The following LRRC4C variants were observed in gnomAD, a reference collection of about 807,000 sequenced individuals.
LRRC4C encodes the protein leucine-rich repeat-containing protein 4C.
In LRRC4C, 5 loss-of-function variants were observed where a neutral mutation model predicts 33.6. The ratio of observed to expected loss-of-function variants is 0.15; its 90% CI spans 0.08 to 0.31. LRRC4C has a LOEUF of 0.31. LRRC4C is among the 10% of genes least tolerant of loss of function. LRRC4C has a pLI of 1.00. For missense variants in LRRC4C, 560 were observed against 796.7 expected (o/e 0.70, Z 3.58); for synonymous variants, 329 against 302.0 (o/e 1.09, Z -0.93).
chr11:41,405,680 C>T (rs1954205914), intron 1 of LRRC4C, among the ~76,000 whole-genome samples: 2 of 152,078 alleles, frequency 1.3e-5, no homozygotes, highest in South Asian at 2.1e-4. Context: ...TTTAAATCAT[C>T]ATCAAGGACA....
chr11:40,169,507 C>T (rs930731396), intron 5 of LRRC4C, among the ~76,000 whole-genome samples: 3 of 151,934 alleles, frequency 2.0e-5, no homozygotes, highest in African/African-American at 4.8e-5. Flanking sequence ...AAGTTTTCAC[C>T]ATAACACATT....
intron 2 of LRRC4C, among the ~76,000 whole-genome samples, chr11:40,880,558 A>AAC (rs1955119400): frequency 6.6e-6 from 1 of 150,880 alleles, no homozygotes; most frequent in South Asian, 2.1e-4. Context: ...AAAAAAAAAA[A>AAC]CTACACAGAA....
intron 1 of LRRC4C, among the ~76,000 whole-genome samples, chr11:41,191,393 T>C (rs974613691): frequency 2.0e-5 from 3 of 152,142 alleles, no homozygotes; most frequent in Admixed American, 6.5e-5. Context: ...ATTTGCCTGA[T>C]TAAAGTCACT....
chr11:41,312,737 A>G (rs972257225), intron 1 of LRRC4C, among the ~76,000 whole-genome samples: 2 of 152,210 alleles, frequency 1.3e-5, no homozygotes, highest in African/African-American at 4.8e-5. Context: ...ATTGGTCACC[A>G]TGGGCCTCAG....
chr11:40,206,923 C>A (rs1364495105), intron 5 of LRRC4C, among the ~76,000 whole-genome samples: 1 of 151,880 alleles, frequency 6.6e-6, no homozygotes, highest in Non-Finnish European at 1.5e-5. Flanking sequence ...GAGGCATAAA[C>A]CTGGGGGAAG....
intron 5 of LRRC4C, among the ~76,000 whole-genome samples, chr11:40,177,009 C>T (rs1240889634): frequency 7.6e-6 from 1 of 131,998 alleles, no homozygotes; most frequent in Non-Finnish European, 1.5e-5. Flanking sequence ...TCTCTGCAAG[C>T]TCCGCCTCCC....
At chr11:40,834,911 G>GACAGACAGACACACAGACACAC (rs748483585) in intron 2 of LRRC4C, among the ~76,000 whole-genome samples, 1 of 84,826 alleles carries the variant, frequency 1.2e-5, no homozygotes, top group Non-Finnish European at 2.6e-5. Context: ...CAGACAGACA[G>GACAGACAGACACACAGACACAC]ACACACACAC....
chr11:40,790,146 C>A (rs1292862110), intron 2 of LRRC4C, among the ~76,000 whole-genome samples: 2 of 152,076 alleles, frequency 1.3e-5, no homozygotes, highest in Non-Finnish European at 2.9e-5. Context: ...GATTTTTACC[C>A]ACAGAAAATA....
At chr11:41,062,318 A>G (rs1054119127) in intron 1 of LRRC4C, among the ~76,000 whole-genome samples, 1 of 152,140 alleles carries the variant, frequency 6.6e-6, no homozygotes, top group Non-Finnish European at 1.5e-5. Context: ...TCACATATAA[A>G]TGGGAGCTAA....
chr11:40,950,285 G>A (rs1457384705), intron 1 of LRRC4C, among the ~76,000 whole-genome samples: 3 of 151,832 alleles, frequency 2.0e-5, no homozygotes, highest in Non-Finnish European at 4.4e-5. Context: ...CACCTACCAT[G>A]TTCTAGGAAA....
chr11:41,015,327 T>G (rs552974514), intron 1 of LRRC4C, among the ~76,000 whole-genome samples: 214 of 152,314 alleles, frequency 1.4e-3, no homozygotes, highest in Non-Finnish European at 2.3e-3. Flanking sequence ...TTTAAAATTT[T>G]GTTAATGTTT....
intron 3 of LRRC4C, among the ~76,000 whole-genome samples, chr11:40,550,509 A>C (rs562410284): frequency 6.6e-6 from 1 of 152,356 alleles, no homozygotes; most frequent in East Asian, 1.9e-4. Context: ...TAATGGCCTG[A>C]CAGCCTCCAG....
chr11:41,192,730 A>T (rs1946013824), intron 1 of LRRC4C, among the ~76,000 whole-genome samples: 1 of 152,118 alleles, frequency 6.6e-6, no homozygotes, highest in Non-Finnish European at 1.5e-5. Context: ...GAAAAAGCAA[A>T]ATCATTACAG....
intron 3 of LRRC4C, among the ~76,000 whole-genome samples, chr11:40,336,648 G>A (rs1946616622): frequency 6.6e-6 from 1 of 152,108 alleles, no homozygotes; most frequent in Non-Finnish European, 1.5e-5. Flanking sequence ...TAAATCTGAA[G>A]TATAATATCA....
chr11:41,193,658 T>C (rs1300605706), intron 1 of LRRC4C, among the ~76,000 whole-genome samples: 1 of 152,020 alleles, frequency 6.6e-6, no homozygotes, highest in Non-Finnish European at 1.5e-5. Context: ...AGTCATCACA[T>C]CAGAGGAATT....
chr11:40,615,720 G>A (rs1961741211), intron 3 of LRRC4C, among the ~76,000 whole-genome samples: 1 of 151,736 alleles, frequency 6.6e-6, no homozygotes, highest in African/African-American at 2.4e-5. Flanking sequence ...ATTAAAAAGT[G>A]CAAGTAAACA....
chr11:40,487,959 A>T (rs993616323), intron 3 of LRRC4C, among the ~76,000 whole-genome samples: 2 of 152,124 alleles, frequency 1.3e-5, no homozygotes, highest in Non-Finnish European at 2.9e-5. Flanking sequence ...ACATGGTAAG[A>T]TGTGTATATT....
chr11:40,151,801 T>G (rs1565058322), intron 5 of LRRC4C, among the ~76,000 whole-genome samples: 1 of 152,212 alleles, frequency 6.6e-6, no homozygotes, highest in Non-Finnish European at 1.5e-5. Flanking sequence ...CATTAGGCTA[T>G]TCCTCTGTGA....
intron 3 of LRRC4C, among the ~76,000 whole-genome samples, chr11:40,621,264 T>C (rs1033508442): frequency 3.3e-4 from 50 of 151,820 alleles, no homozygotes; most frequent in Middle Eastern, 3.4e-3. Flanking sequence ...TTTTTAATCC[T>C]GAAAATAATG....
Sources: gnomAD v4.1 joint callset for allele counts (sites outside exome capture counted in the v4.1 genomes callset) on GRCh38, gnomAD v4.1.1 for gene constraint, MANE v1.5 for transcripts, NCBI Gene and HGNC (gene_info 2026-07-23, HGNC 2026-07-21) for gene names.